The following SCFD2 variants were observed in gnomAD, a reference collection of about 807,000 sequenced individuals.
The protein encoded by SCFD2 is sec1 family domain containing 2.
A neutral mutation model predicts 58.9 loss-of-function variants in SCFD2; 54 were observed. That is an observed-to-expected ratio of 0.92 (90% CI 0.74 to 1.15). SCFD2 has a LOEUF of 1.15. Ranked by LOEUF, SCFD2 falls within the 50% of genes most tolerant of loss-of-function variation. The pLI, the probability that SCFD2 is intolerant of heterozygous loss-of-function variation, is 0.00. For missense variants in SCFD2, 805 were observed against 836.6 expected, an observed-to-expected ratio of 0.96 and a Z score of 0.47; for synonymous variants, 321 against 335.9, an observed-to-expected ratio of 0.96 and a Z score of 0.49.
chr4:53,091,482 G>A (rs1283102462), intron 5 of SCFD2, among the ~76,000 whole-genome samples: 2 of 151,984 alleles, frequency 1.3e-5, no homozygotes, highest in Non-Finnish European at 2.9e-5. Flanking sequence ...AGTATATATT[G>A]TCTCTGATGA....
At chr4:52,942,072 A>G (rs1222589688) in intron 5 of SCFD2, among the ~76,000 whole-genome samples, 1 of 152,206 alleles carries the variant, frequency 6.6e-6, no homozygotes, top group Non-Finnish European at 1.5e-5. Context: ...CACAGGGCCA[A>G]GAGTTTGATG....
chr4:52,896,589 T>A (rs958826252), intron 7 of SCFD2, among the ~76,000 whole-genome samples: 5 of 152,350 alleles, frequency 3.3e-5, no homozygotes, highest in African/African-American at 1.2e-4. Flanking sequence ...TGAAGTCAGG[T>A]AGCATGATGC....
Position 52,943,388 on chromosome 4 carries a change from CA to C in SCFD2, c.1562-22519del, listed in dbSNP as rs527973316. ...TAAAGAACATAAATTTACTTCCTCA[CA>C]GTAAATTTATGGATGTTGGAAAGTC... On this transcript the variant is annotated intron_variant, in intron 5 of 8. Transcript: ENST00000401642. Among the ~76,000 whole-genome samples the C allele has an allele frequency of 1.8e-3, 279 of 152,256 alleles. 2 individuals are homozygous for C. The highest frequency in any genetic ancestry group is 2.9e-3 in the Non-Finnish European group (200 of 68,010).
At chr4:53,216,463 G>A (rs1322956708) in intron 4 of SCFD2, among the ~76,000 whole-genome samples, 3 of 152,102 alleles carry the variant, frequency 2.0e-5, no homozygotes, top group Admixed American at 6.6e-5. Flanking sequence ...TCTGATAGTA[G>A]TTTGCATTTC....
intron 2 of SCFD2, among the ~76,000 whole-genome samples, chr4:53,342,990 C>T (rs1733932311): frequency 6.6e-6 from 1 of 152,068 alleles, no homozygotes; most frequent in South Asian, 2.1e-4. Flanking sequence ...GCACTAAATG[C>T]CCACAAGAGA....
At chr4:53,294,975 T>A (rs1577939775) in intron 3 of SCFD2, among the ~76,000 whole-genome samples, 1 of 152,328 alleles carries the variant, frequency 6.6e-6, no homozygotes, top group East Asian at 1.9e-4. Context: ...TTCTGAGGCC[T>A]CTGTTCTGTT....
rs1335211891 is a variant in SCFD2, at chr4:53,217,436, T to A, written c.1311+56390A>T. Reference sequence around the variant, plus strand: ...TCTTTTGATCTTTGTTGGCTTAAAGTCTGTTTTATCAGAGATTAGGATTGC... The same window carrying A: ...TCTTTTGATCTTTGTTGGCTTAAAGACTGTTTTATCAGAGATTAGGATTGC... On this transcript the variant is annotated intron_variant, in intron 4 of 8. Transcript: ENST00000401642. 3.9e-5 allele frequency among the ~76,000 whole-genome samples: 6 copies of A among 152,338 alleles called. No homozygotes were observed. The East Asian group carries it at 1.2e-3, about 29-fold the overall frequency.
intron 4 of SCFD2, among the ~76,000 whole-genome samples, chr4:53,242,370 G>C (rs1205868948): frequency 5.3e-5 from 8 of 152,102 alleles, no homozygotes; most frequent in Non-Finnish European, 1.2e-4. Flanking sequence ...CCTGAGCAGA[G>C]ACCTGGCTCC....
At chr4:53,298,221 C>T (rs1357866240) in intron 3 of SCFD2, among the ~76,000 whole-genome samples, 1 of 152,126 alleles carries the variant, frequency 6.6e-6, no homozygotes, top group South Asian at 2.1e-4. Flanking sequence ...ACAGACGGCA[C>T]CTGGAAAATC....
chr4:52,912,280 T>C (rs1257219980), intron 6 of SCFD2, among the ~76,000 whole-genome samples: 5 of 152,160 alleles, frequency 3.3e-5, no homozygotes, highest in Non-Finnish European at 7.3e-5. Context: ...AGGGACACTC[T>C]GGTTTAATAT....
chr4:53,022,493 G>T (rs1325733419), intron 5 of SCFD2, among the ~76,000 whole-genome samples: 2 of 152,174 alleles, frequency 1.3e-5, no homozygotes, highest in Non-Finnish European at 1.5e-5. Context: ...ATAAAGAGCT[G>T]CTTATCCTTT....
intron 5 of SCFD2, among the ~76,000 whole-genome samples, chr4:52,998,229 A>G (rs1268326813): frequency 2.6e-5 from 4 of 152,362 alleles, no homozygotes; most frequent in Non-Finnish European, 5.9e-5. Context: ...GCAATCATCC[A>G]TCAGATACTC....
Position 53,145,314 on chromosome 4 carries a change from A to T in SCFD2, c.1561+19T>A, listed in dbSNP as rs1229647697. On this transcript the variant is annotated intron_variant, in intron 5 of 8. Coordinates refer to ENST00000401642, the MANE Select transcript of SCFD2 (RefSeq NM_152540.4). ...TGTATCAGTGATGTTTGTGTCCTGTATCTTTGTTAGACACTCACCCGTAAT... is the reference window on the plus strand; with the variant it reads ...TGTATCAGTGATGTTTGTGTCCTGTTTCTTTGTTAGACACTCACCCGTAAT... The T allele has an allele frequency of 2.5e-6, 4 of 1,612,974 alleles. No individual in the cohort carries two copies. The African/African-American group carries it at 5.3e-5, about 22-fold the overall frequency.
intron 4 of SCFD2, among the ~76,000 whole-genome samples, chr4:53,238,494 G>A (rs1288699372): frequency 8.6e-5 from 12 of 139,548 alleles, no homozygotes; most frequent in African/African-American, 1.8e-4. Context: ...CTGGTGGGGC[G>A]GGGGCTGACC....
In SCFD2 at chr4:53,087,195, G is replaced by T. The variant is rs1724331720; in HGVS notation, c.1561+58138C>A. 2.6e-5 allele frequency among the ~76,000 whole-genome samples: 4 copies of T among 152,190 alleles called. No homozygotes were observed. The South Asian group carries it at 8.3e-4, about 32-fold the overall frequency. On this transcript the variant is annotated intron_variant, in intron 5 of 8. Transcript: ENST00000401642. ...AATTCTTTTTAAAATTGAAGGAAAA[G>T]CTATCTTTGCTCTAAAGAGGCAAAG...
intron 4 of SCFD2, among the ~76,000 whole-genome samples, chr4:53,190,152 T>C (rs1205175413): frequency 6.6e-6 from 1 of 152,180 alleles, no homozygotes; most frequent in African/African-American, 2.4e-5. Context: ...ATCTTCTCCT[T>C]AGCCTTATCT....
chr4:53,256,470 G>C (rs1044111263), intron 4 of SCFD2, among the ~76,000 whole-genome samples: 13 of 152,072 alleles, frequency 8.5e-5, no homozygotes, highest in Non-Finnish European at 1.5e-5. Flanking sequence ...TCACTTCCCA[G>C]ACGGGGTGGC....
intron 5 of SCFD2, among the ~76,000 whole-genome samples, chr4:53,059,896 T>C (rs920704406): frequency 8.5e-5 from 13 of 152,134 alleles, no homozygotes; most frequent in African/African-American, 3.1e-4. Context: ...TTTTATGCAG[T>C]AAAAAATCTC....
intron 5 of SCFD2, among the ~76,000 whole-genome samples, chr4:53,075,273 C>T (rs768479753): frequency 2.0e-5 from 3 of 152,184 alleles, no homozygotes; most frequent in Non-Finnish European, 2.9e-5. Context: ...ATATTTAGGG[C>T]TTGCTCTGGC....
Sources: allele counts gnomAD v4.1 joint callset (sites outside exome capture counted in the v4.1 genomes callset), GRCh38; gene constraint gnomAD v4.1.1; transcripts MANE v1.5; gene names NCBI Gene and HGNC (gene_info 2026-07-23, HGNC 2026-07-21).